Variants in CD5 observed in about 807,000 individuals in gnomAD.
CD5 encodes the protein CD5 molecule, also known as T-cell surface glycoprotein CD5.
CD5 carries 36 observed loss-of-function variants against 60.3 expected under a neutral mutation model. The observed-to-expected ratio is 0.60, with a 90% CI of 0.46 to 0.79. The LOEUF (loss-of-function observed/expected upper bound fraction) is 0.79. Among genes scored for constraint, CD5 ranks in the 30% least tolerant of loss-of-function variants. The pLI is 0.00. For missense variants in CD5, 540 were observed against 630.6 expected (o/e 0.86, Z 1.54); for synonymous variants, 230 against 257.6 (o/e 0.89, Z 1.03).
chr11:61,124,034 G>GT, intron 8 of CD5, 97 bp downstream of exon 8: 3 of 940,308 alleles, frequency 3.2e-6, no homozygotes, highest in Non-Finnish European at 5.1e-6. Context: ...GGAGCCTGTG[G>GT]CTGCTTGAAG....
intron 1 of CD5, among the ~76,000 whole-genome samples, chr11:61,103,137 G>A (rs1400708188): frequency 1.3e-5 from 2 of 152,314 alleles, no homozygotes; most frequent in South Asian, 2.1e-4. Context: ...GACTCATAGC[G>A]GAAGTCCTAG....
rs1291043490 is a variant in CD5 at position 61,126,824 on chromosome 11, T to TGCTCACCTGAGCACAAAGACA, written c.*544_*564dup. On this transcript the variant is annotated 3_prime_UTR_variant, in exon 11 of 11. Coordinates refer to ENST00000347785, the MANE Select transcript of CD5 (RefSeq NM_014207.4). ...CTCTGCAGCCGTGGTGGTCAGAGGC[T>TGCTCACCTGAGCACAAAGACA]GCTCACCTGAGCACAAAGACAGCTC... 1 of 152,270 alleles carries TGCTCACCTGAGCACAAAGACA rather than the reference T, an allele frequency of 6.6e-6. No homozygotes were observed. Among genetic ancestry groups the TGCTCACCTGAGCACAAAGACA allele is most frequent in the Admixed American group, 6.5e-5 (1 of 15,288 alleles). 9.4% of individuals were successfully genotyped at this position (152,270 alleles called of 1,614,324 possible).
intron 1 of CD5, among the ~76,000 whole-genome samples, chr11:61,112,273 G>A (rs140580147): frequency 5.9e-5 from 9 of 152,246 alleles, no homozygotes; most frequent in Middle Eastern, 6.8e-3. Context: ...CAGGACAAAA[G>A]GGCCTCCTTC....
At chr11:61,119,620 A>C (rs756640975) in intron 5 of CD5, 45 bp downstream of exon 5, 1 of 1,411,654 alleles carries the variant, frequency 7.1e-7, no homozygotes, top group South Asian at 1.3e-5. Context: ...CTGCTGCCCT[A>C]GGTGGGGTCA....
intron 1 of CD5, among the ~76,000 whole-genome samples, chr11:61,107,078 G>C (rs1422854726): frequency 6.6e-6 from 1 of 152,210 alleles, no homozygotes; most frequent in Non-Finnish European, 1.5e-5. Flanking sequence ...ATACTAGACG[G>C]TCATGAGAGG....
At chr11:61,099,286 G>A (rs1202538790), upstream of CD5, among the ~76,000 whole-genome samples, 1 of 148,822 alleles carries the variant, frequency 6.7e-6, no homozygotes, top group Non-Finnish European at 1.5e-5. Context: ...ACACATCAAC[G>A]TGGAGCTCAT....
At chr11:61,119,719 A>C in intron 5 of CD5, 144 bp downstream of exon 5, 3 of 635,218 alleles carry the variant, frequency 4.7e-6, no homozygotes, top group South Asian at 2.0e-5. Context: ...CTTGGCCTCT[A>C]AGAGGTAACA....
chr11:61,121,690 T>C lies in CD5; in HGVS notation c.885T>C (p.Ala295=), dbSNP rs773014030. The C allele has an allele frequency of 5.0e-6, 8 of 1,597,664 alleles. No homozygotes were observed. The highest frequency in any genetic ancestry group is 6.8e-6 in the Non-Finnish European group (8 of 1,168,682). The part of the protein sequence containing the change: ...CEGTVEVRQG[A]QWAALCDSSS... ...GCACCGTGGAGGTGCGCCAGGGGGC[T>C]CAGTGGGCAGCCCTGTGTGACAGCT... Residue 295 remains alanine, a synonymous_variant, in exon 6 of 11, where the codon GCT becomes GCC. Transcript: ENST00000347785.
chr11:61,116,657 CCA>C (rs1565185124), intron 2 of CD5, among the ~76,000 whole-genome samples: 35 of 138,624 alleles, frequency 2.5e-4, no homozygotes, highest in Admixed American at 9.8e-4. Flanking sequence ...CCCACACACA[CCA>C]CACACACCAC....
chr11:61,104,122 G>A (rs1345309403), intron 1 of CD5, among the ~76,000 whole-genome samples: 2 of 150,996 alleles, frequency 1.3e-5, no homozygotes, highest in African/African-American at 4.9e-5. Context: ...GGGGGAATGT[G>A]TGAGTCTGTG....
At chr11:61,115,511 T>C (rs559576010) in intron 2 of CD5, among the ~76,000 whole-genome samples, 1 of 152,272 alleles carries the variant, frequency 6.6e-6, no homozygotes, top group African/African-American at 2.4e-5. Flanking sequence ...ACGTCCAGCC[T>C]TAGACGTTGG....
upstream of CD5, among the ~76,000 whole-genome samples, chr11:61,097,788 G>T (rs10897137): frequency 0.26 from 39,941 of 152,010 alleles, 5,872 homozygotes; most frequent in African/African-American, 0.39. Flanking sequence ...TGTTACTTGG[G>T]CACAAGACGG....
chr11:61,127,829 A>G lies in CD5; in HGVS notation c.*1544A>G, dbSNP rs1861174134. 1.3e-5 allele frequency: 2 copies of G among 152,206 alleles called. No homozygotes were observed. The highest frequency in any genetic ancestry group is 2.9e-5 in the Non-Finnish European group (2 of 68,036). The allele number at this position is 152,206 out of a possible 1,614,324, so 9.4% of individuals were successfully genotyped here. ...GGCCTACTTAAAAACCAAACCAAAA[A>G]TAAAGAGTTTAGTTGAGGAGAAATG... On this transcript the variant is annotated 3_prime_UTR_variant, in exon 11 of 11. Transcript: ENST00000347785.
At chr11:61,106,658 C>CTG (rs144124304) in intron 1 of CD5, among the ~76,000 whole-genome samples, 22 of 151,924 alleles carry the variant, frequency 1.4e-4, no homozygotes, top group Non-Finnish European at 2.8e-4. Flanking sequence ...AACATCTATT[C>CTG]TGTGTGTGTG....
At chr11:61,100,123 A>G (rs1860643403), upstream of CD5, among the ~76,000 whole-genome samples, 1 of 133,398 alleles carries the variant, frequency 7.5e-6, no homozygotes, top group African/African-American at 2.8e-5. Context: ...TGGAGATCAC[A>G]TTCACACACA....
intron 1 of CD5, among the ~76,000 whole-genome samples, chr11:61,113,322 C>A (rs1860885542): frequency 6.6e-6 from 1 of 152,350 alleles, no homozygotes; most frequent in Admixed American, 6.5e-5. Context: ...CAAATTAAAC[C>A]TCTTCCCCAG....
chr11:61,119,072 T>C (rs1212670003), intron 4 of CD5, 95 bp downstream of exon 4: 2 of 1,237,182 alleles, frequency 1.6e-6, no homozygotes, highest in African/African-American at 3.0e-5. Flanking sequence ...AAGGTGGAAA[T>C]GTTTAGTATT....
At chr11:61,115,126 G>T in intron 2 of CD5, 32 bp downstream of exon 2, 1 of 1,545,750 alleles carries the variant, frequency 6.5e-7, no homozygotes, top group South Asian at 1.2e-5. Flanking sequence ...AAAGGCCTGG[G>T]GCAGGGGGAG....
chr11:61,099,862 T>C (rs1413000695), upstream of CD5, among the ~76,000 whole-genome samples: 3 of 145,048 alleles, frequency 2.1e-5, no homozygotes, highest in African/African-American at 7.9e-5. Flanking sequence ...AGATCACACA[T>C]GTCAACATGG....
Sources: gnomAD v4.1 joint callset for allele counts (sites outside exome capture counted in the v4.1 genomes callset) on GRCh38, gnomAD v4.1.1 for gene constraint, MANE v1.5 for transcripts, NCBI Gene and HGNC (gene_info 2026-07-23, HGNC 2026-07-21) for gene names.